The following SLC36A4 variants were observed in gnomAD, a reference collection of about 807,000 sequenced individuals.
The protein encoded by SLC36A4 is neutral amino acid uniporter 4.
Under a neutral mutation model 50.5 loss-of-function variants are expected in SLC36A4, and 49 were observed. That is an observed-to-expected ratio of 0.97 (90% CI 0.77 to 1.23). The LOEUF is 1.23. Among genes scored for constraint, SLC36A4 ranks in the 50% most tolerant of loss-of-function variants. The probability of loss-of-function intolerance (pLI) is 0.00; values close to 1 mark genes in which losing one functional copy is unlikely to be tolerated. For synonymous variants in SLC36A4, 207 were observed against 206.5 expected, an observed-to-expected ratio of 1.00 and a Z score of -0.02; for missense variants, 611 against 608.4, an observed-to-expected ratio of 1.00 and a Z score of -0.05.
chr11:93,164,490 T>C (rs1292868416), intron 8 of SLC36A4, among the ~76,000 whole-genome samples: 1 of 152,196 alleles, frequency 6.6e-6, no homozygotes, highest in East Asian at 1.9e-4. Context: ...CAGCATTTTA[T>C]GCAATCCTCA....
rs1859889951 is a variant in SLC36A4, at chr11:93,147,626, A to G, written c.*911T>C. On this transcript the variant is annotated 3_prime_UTR_variant, in exon 11 of 11. Transcript: ENST00000326402. ...CTGCTCAGGTCACATATACTATTAAAAATCACACATTCATTTTCAAAGTAT... is the reference window on the plus strand; with the variant it reads ...CTGCTCAGGTCACATATACTATTAAGAATCACACATTCATTTTCAAAGTAT... 1 of 152,120 alleles carries G rather than the reference A, an allele frequency of 6.6e-6. No individual in the cohort carries two copies. The highest frequency in any genetic ancestry group is 1.9e-4 in the East Asian group (1 of 5,176). 9.4% of individuals were successfully genotyped at this position (152,120 alleles called of 1,614,324 possible). A position where few individuals can be genotyped will look rare whatever the true frequency, so the allele number is the denominator to read the frequency against.
At chr11:93,176,020 G>A (rs1323112283) in intron 6 of SLC36A4, among the ~76,000 whole-genome samples, 3 of 124,404 alleles carry the variant, frequency 2.4e-5, no homozygotes, top group Non-Finnish European at 3.3e-5. Flanking sequence ...TTTCTGTCTC[G>A]TTGATCTGTC....
At chr11:93,177,683 G>A (rs1257977426) in intron 6 of SLC36A4, among the ~76,000 whole-genome samples, 1 of 152,182 alleles carries the variant, frequency 6.6e-6, no homozygotes, top group Non-Finnish European at 1.5e-5. Flanking sequence ...GGCTGCAGAA[G>A]AGCTAATATT....
intron 6 of SLC36A4, among the ~76,000 whole-genome samples, chr11:93,168,468 C>T (rs899961857): frequency 1.3e-5 from 2 of 151,916 alleles, no homozygotes; most frequent in African/African-American, 2.4e-5. Context: ...TATTCTGAAG[C>T]TTTGTGACTA....
rs1861793795 is a variant in SLC36A4 at position 93,182,815 on chromosome 11, A to C, written c.350T>G (p.Leu117Arg). 6.2e-7 allele frequency: 1 copy of C among 1,608,400 alleles called. No homozygotes were observed. The highest frequency in any genetic ancestry group is 1.3e-5 in the African/African-American group (1 of 74,724). ...ACAAATCCACATTTACCTCAGACAT[A>C]GAAAGTGACTGCAACGTACCAATAT... ...MHILVRCSHF[L>R]CLRFKKSTLG... Residue 117 changes from leucine (L) to arginine (R), a missense_variant, in exon 4 of 11, where the codon CTA (leucine) becomes CGA (arginine). Transcript: ENST00000326402.
intron 6 of SLC36A4, among the ~76,000 whole-genome samples, chr11:93,176,983 A>G (rs1261513173): frequency 6.6e-6 from 1 of 151,968 alleles, no homozygotes; most frequent in African/African-American, 2.4e-5. Context: ...TATTTCCTGA[A>G]TTTGAATGTT....
In SLC36A4 at chr11:93,173,021, A is replaced by C. The variant is rs1366299407; in HGVS notation, c.541-4850T>G. 3.5e-5 allele frequency among the ~76,000 whole-genome samples: 5 copies of C among 143,554 alleles called. No homozygotes were observed. The Admixed American group carries it at 3.5e-4, about 10-fold the overall frequency. 94.2% of individuals were successfully genotyped at this position (143,554 alleles called of 152,430 possible). On this transcript the variant is annotated intron_variant, in intron 6 of 10. Coordinates refer to ENST00000326402, the MANE Select transcript of SLC36A4 (RefSeq NM_152313.4). ...TTCTAGATCCCTGAGGAATCGCCAC[A>C]CTGACTTCCACAATGGTTGAACTAG...
intron 7 of SLC36A4, 55 bp downstream of exon 7, chr11:93,167,889 A>C (rs1860951571): frequency 8.1e-7 from 1 of 1,232,184 alleles, no homozygotes; most frequent in Non-Finnish European, 1.1e-6. Context: ...ACAGTAAACA[A>C]AATTTTACTT....
At chr11:93,195,492 C>T (rs1862380949) in intron 1 of SLC36A4, among the ~76,000 whole-genome samples, 1 of 152,186 alleles carries the variant, frequency 6.6e-6, no homozygotes, top group Non-Finnish European at 1.5e-5. Context: ...ACACCCATAT[C>T]TTTCCTGAAT....
intron 3 of SLC36A4, among the ~76,000 whole-genome samples, chr11:93,183,900 G>A (rs944237324): frequency 2.0e-5 from 3 of 151,920 alleles, no homozygotes; most frequent in Non-Finnish European, 2.9e-5. Flanking sequence ...GGGTTTCACC[G>A]TGTTAGCCAG....
intron 1 of SLC36A4, among the ~76,000 whole-genome samples, chr11:93,196,933 A>C (rs1292406868): frequency 6.6e-6 from 1 of 152,246 alleles, no homozygotes; most frequent in Non-Finnish European, 1.5e-5. Flanking sequence ...AGCACGCAAT[A>C]AAATGTTAAG....
intron 6 of SLC36A4, among the ~76,000 whole-genome samples, chr11:93,168,699 C>G (rs1034852265): frequency 6.6e-5 from 10 of 152,114 alleles, no homozygotes; most frequent in Middle Eastern, 3.4e-3. Context: ...TATAAATTAT[C>G]ATCACTATCA....
At chr11:93,153,194 T>C (rs1262743200) in intron 10 of SLC36A4, among the ~76,000 whole-genome samples, 1 of 152,078 alleles carries the variant, frequency 6.6e-6, no homozygotes, top group Non-Finnish European at 1.5e-5. Context: ...GTGCAAGATG[T>C]TTATTAATAT....
chr11:93,184,150 T>A (rs1041301091), intron 3 of SLC36A4, among the ~76,000 whole-genome samples: 7 of 152,190 alleles, frequency 4.6e-5, no homozygotes, highest in Non-Finnish European at 1.0e-4. Flanking sequence ...AAAATAATAA[T>A]AAGATATAAC....
At chr11:93,173,928 G>T (rs1175475558) in intron 6 of SLC36A4, among the ~76,000 whole-genome samples, 1 of 141,628 alleles carries the variant, frequency 7.1e-6, no homozygotes, top group East Asian at 2.1e-4. Context: ...TTGGCGATGC[G>T]GGCTCTTTTT....
chr11:93,182,813 A>G lies in SLC36A4; in HGVS notation c.352T>C (p.Cys118Arg). 6.2e-7 allele frequency: 1 copy of G among 1,607,800 alleles called. No individual in the cohort carries two copies. Among genetic ancestry groups the G allele is most frequent in the Non-Finnish European group, 8.5e-7 (1 of 1,176,156 alleles). The change falls in exon 4 of 11, where the codon TGT becomes CGT. Residue 118 changes from cysteine (C) to arginine (R), a missense_variant. Cys to Arg is a radical substitution (Grantham distance 180). Transcript: ENST00000326402. Reference sequence around the variant, plus strand: ...TAACAAATCCACATTTACCTCAGACATAGAAAGTGACTGCAACGTACCAAT... The same window carrying G: ...TAACAAATCCACATTTACCTCAGACGTAGAAAGTGACTGCAACGTACCAAT... The part of the protein sequence containing the change: ...HILVRCSHFL[C>R]LRFKKSTLGY...
intron 1 of SLC36A4, chr11:93,193,099 A>AT: frequency 1.3e-6 from 1 of 784,590 alleles, no homozygotes; most frequent in Non-Finnish European, 1.5e-6. Flanking sequence ...GCTCTATGGG[A>AT]TTTTTAAATG....
Position 93,184,520 on chromosome 11 carries a change from T to C in SLC36A4, c.180A>G (p.Ser60=), listed in dbSNP as rs1725613470. The change falls in exon 3 of 11, where the codon TCA becomes TCG. Residue 60 remains serine (S), a splice_region_variant and synonymous_variant. Coordinates refer to ENST00000326402, the MANE Select transcript of SLC36A4 (RefSeq NM_152313.4). ...GAAGGTGCATAAGAGTTTGTACAAA[T>C]CTGAAAAGTAAAAGTTGTAAGACTT... ...HYQLDDQEGI[S]FVQTLMHLLK... The C allele has an allele frequency of 1.9e-6, 3 of 1,576,860 alleles. No individual in the cohort carries two copies. The highest frequency in any genetic ancestry group is 2.6e-6 in the Non-Finnish European group (3 of 1,149,502).
rs1362080925 is a variant in SLC36A4, at chr11:93,147,695, A to AT, written c.*841dup. ...ATTCAACACTAAAATTAAGCTGAAC[A>AT]TAATTTATTCTTTTTCTTGGACATG... On this transcript the variant is annotated 3_prime_UTR_variant, in exon 11 of 11. Coordinates refer to ENST00000326402, the MANE Select transcript of SLC36A4 (RefSeq NM_152313.4). The AT allele has an allele frequency of 2.0e-5, 3 of 152,126 alleles. No homozygotes were observed. The highest frequency in any genetic ancestry group is 4.4e-5 in the Non-Finnish European group (3 of 68,004). The allele number at this position is 152,126 out of a possible 1,614,324, so 9.4% of individuals were successfully genotyped here. A position where few individuals can be genotyped will look rare whatever the true frequency, so the allele number is the denominator to read the frequency against.
Sources: gnomAD v4.1 joint callset for allele counts (sites outside exome capture counted in the v4.1 genomes callset) on GRCh38, gnomAD v4.1.1 for gene constraint, MANE v1.5 for transcripts, NCBI Gene and HGNC (gene_info 2026-07-23, HGNC 2026-07-21) for gene names.